SPHK2: variants seen among roughly 807,000 people sequenced by gnomAD.
The protein encoded by SPHK2 is sphingosine kinase 2.
In SPHK2, 18 loss-of-function variants were observed where a neutral mutation model predicts 32.3. The ratio of observed to expected loss-of-function variants is 0.56; its 90% CI spans 0.39 to 0.83. The LOEUF is 0.83. Among genes scored for constraint, SPHK2 ranks in the 40% least tolerant of loss-of-function variants. The probability of loss-of-function intolerance (pLI) is 0.00; values close to 1 mark genes in which losing one functional copy is unlikely to be tolerated. For synonymous variants in SPHK2, 462 were observed against 417.6 expected (o/e 1.11, Z -1.30); for missense variants, 850 against 908.7 (o/e 0.94, Z 0.83).
chr19:48,629,652 C>A lies in SPHK2; in HGVS notation c.1844C>A (p.Pro615Gln). The change falls in exon 7 of 7, where the codon CCA becomes CAA. Residue 615 changes from proline (P) to glutamine (Q), a missense_variant. By Grantham distance (76) the Pro-to-Gln change is moderately conservative. Coordinates refer to ENST00000245222, the MANE Select transcript of SPHK2 (RefSeq NM_020126.5). Reference protein sequence around the residue: ...ARAFRLEPLTPRGVLTVDGEQ... With the variant: ...ARAFRLEPLTQRGVLTVDGEQ... ...GCCTTCCGCCTAGAGCCGCTCACAC[C>A]ACGCGGCGTGCTCACAGTGGACGGG... 6.2e-7 allele frequency: 1 copy of A among 1,603,970 alleles called. No homozygotes were observed. Among genetic ancestry groups the A allele is most frequent in the Non-Finnish European group, 8.5e-7 (1 of 1,176,164 alleles).
In SPHK2 at chr19:48,629,033, C is replaced by T. The variant is rs755109999; in HGVS notation, c.1225C>T (p.Pro409Ser). 4.8e-5 allele frequency: 77 copies of T among 1,613,294 alleles called. No homozygotes were observed. In the South Asian group the frequency reaches 7.8e-4, roughly 16 times the overall value. The change falls in exon 7 of 7, where the codon CCG (proline) becomes TCG (serine). Residue 409 changes from proline (P) to serine (S), a missense_variant. Transcript: ENST00000245222. ...GCTGACCCTAACCCCAGACCCAGCC[C>T]CGCCCATGGCCCACTCACCCCTGCA... ...SELTLTPDPA[P>S]PMAHSPLHRS...
chr19:48,622,323 G>T (rs1017056876), intron 2 of SPHK2, among the ~76,000 whole-genome samples: 2 of 151,878 alleles, frequency 1.3e-5, no homozygotes, highest in African/African-American at 4.8e-5. Flanking sequence ...GGGGAATTGG[G>T]TTTTTTACAT....
intron 2 of SPHK2, among the ~76,000 whole-genome samples, chr19:48,621,198 A>G (rs964495412): frequency 6.6e-6 from 1 of 151,624 alleles, no homozygotes; most frequent in African/African-American, 2.4e-5. Flanking sequence ...TCCTGCCTCA[A>G]CCTCCCAAGT....
intron 2 of SPHK2, chr19:48,624,835 G>A (rs777946669): frequency 6.9e-5 from 63 of 908,600 alleles, no homozygotes; most frequent in Non-Finnish European, 8.2e-5. Flanking sequence ...GGGGATAGGG[G>A]GGCAGATGTA....
Position 48,629,804 on chromosome 19 carries a change from G to A in SPHK2, c.*31G>A. 6.5e-7 allele frequency: 1 copy of A among 1,529,656 alleles called. No individual in the cohort carries two copies. Among genetic ancestry groups the A allele is most frequent in the South Asian group, 1.3e-5 (1 of 79,792 alleles). 94.8% of individuals were successfully genotyped at this position (1,529,656 alleles called of 1,614,324 possible). ...AACAAGCTTGGTACCCGCCGGGGGC[G>A]GGGCCTACATTCCAATGGGGCGGAG... is the stretch of plus-strand genomic sequence containing the variant. On this transcript the variant is annotated 3_prime_UTR_variant, in exon 7 of 7. Coordinates refer to ENST00000245222, the MANE Select transcript of SPHK2 (RefSeq NM_020126.5).
chr19:48,625,908 G>A lies in SPHK2; in HGVS notation c.57G>A (p.Leu19=). The A allele has an allele frequency of 1.2e-6, 2 of 1,612,012 alleles. No homozygotes were observed. The highest frequency in any genetic ancestry group is 1.7e-6 in the Non-Finnish European group (2 of 1,179,594). The change falls in exon 3 of 7, where the codon CTG becomes CTA. Residue 19 remains leucine, a synonymous_variant. Coordinates refer to ENST00000245222, the MANE Select transcript of SPHK2 (RefSeq NM_020126.5). ...TCCCACAGAGGCCAGACCAGGAGCT[G>A]ACCGGGAGCTGGGGCCACGGGCCTA... is the stretch of plus-strand genomic sequence containing the variant. ...EQQDQRPDQE[L]TGSWGHGPRS... is the part of the protein sequence containing the mutation.
chr19:48,624,902 G>C, intron 2 of SPHK2: 1 of 986,162 alleles, frequency 1.0e-6, no homozygotes, highest in Non-Finnish European at 1.2e-6. Flanking sequence ...TGGCGCTCTG[G>C]GCCTGGGGAA....
Position 48,620,863 on chromosome 19 carries a change from G to T in SPHK2, c.39+310G>T, listed in dbSNP as rs547742306. On this transcript the variant is annotated intron_variant, in intron 2 of 6. Transcript: ENST00000245222. ...CATTTGAACCCGGGAGGCAGAGGTT[G>T]CAGTGAGCCGAGATCGCGCTGCACT... 8.2e-5 allele frequency: 21 copies of T among 256,906 alleles called. No individual in the cohort carries two copies. The South Asian group carries it at 8.3e-4, about 10-fold the overall frequency. The allele number at this position is 256,906 out of a possible 1,614,324, so 15.9% of individuals were successfully genotyped here.
rs113670769 is a variant in SPHK2 at position 48,629,719 on chromosome 19, T to A, written c.1911T>A (p.Pro637=). 21 of 1,608,944 alleles carry A rather than the reference T, an allele frequency of 1.3e-5. 2 individuals are homozygous for A. In the African/African-American group the frequency reaches 2.3e-4, roughly 17 times the overall value. Residue 637 remains proline (P), a synonymous_variant, in exon 7 of 7, where the codon CCT becomes CCA. Transcript: ENST00000245222. The part of the protein sequence containing the change: ...EYGPLQAQMH[P]GIGTLLTGPP... ...GGCCGCTACAGGCACAGATGCACCCTGGCATCGGTACACTGCTCACTGGGC... is the reference window on the plus strand; with the variant it reads ...GGCCGCTACAGGCACAGATGCACCCAGGCATCGGTACACTGCTCACTGGGC...
intron 1 of SPHK2, among the ~76,000 whole-genome samples, chr19:48,620,124 AG>A (rs56307061): frequency 1 from 152,283 of 152,284 alleles, 76,141 homozygotes; most frequent in Non-Finnish European, 1. Flanking sequence ...CCTGGCACAC[AG>A]GGGTGTTTTT....
chr19:48,620,825 G>A (rs993125404), intron 2 of SPHK2: 1 of 311,870 alleles, frequency 3.2e-6, no homozygotes, highest in African/African-American at 2.2e-5. Flanking sequence ...TCGGGAGACT[G>A]AGGCAGGAGA....
In SPHK2 at chr19:48,629,582, C is replaced by T. The variant is rs1223173180; in HGVS notation, c.1774C>T (p.His592Tyr). The change falls in exon 7 of 7, where the codon CAC becomes TAC. Residue 592 changes from histidine to tyrosine, a missense_variant. Around this residue, in one of 2 missense-constraint regions of SPHK2, gnomAD observed 306 missense variants for 268.6 expected, o/e 1.14. Coordinates refer to ENST00000245222, the MANE Select transcript of SPHK2 (RefSeq NM_020126.5). ...TTTCTTGGCCATGGAGCGTGGTAGC[C>T]ACTTCAGCCTGGGCTGTCCGCAGCT... ...RLFLAMERGS[H>Y]FSLGCPQLGY... The T allele has an allele frequency of 1.3e-6, 2 of 1,599,616 alleles. No homozygotes were observed. The highest frequency in any genetic ancestry group is 1.7e-6 in the Non-Finnish European group (2 of 1,173,486).
Position 48,628,782 on chromosome 19 carries a change from C to T in SPHK2, c.974C>T (p.Ser325Leu), listed in dbSNP as rs772355097. The T allele has an allele frequency of 5.0e-6, 8 of 1,613,488 alleles. No homozygotes were observed. The highest frequency in any genetic ancestry group is 1.7e-5 in the Admixed American group (1 of 60,036). The part of the protein sequence containing the change: ...PLDLLSVTLA[S>L]GSRCFSFLSV... ...GACCTGCTCTCCGTGACGCTGGCCT[C>T]GGGCTCCCGCTGTTTCTCCTTCCTG... is the stretch of plus-strand genomic sequence containing the variant. Residue 325 changes from serine (S) to leucine (L), a missense_variant, in exon 7 of 7, where the codon TCG (serine) becomes TTG (leucine). By Grantham distance (145) the Ser-to-Leu change is moderately radical. Around this residue, in one of 2 missense-constraint regions of SPHK2, gnomAD observed 544 missense variants for 640.0 expected, o/e 0.85. Coordinates refer to ENST00000245222, the MANE Select transcript of SPHK2 (RefSeq NM_020126.5). The surrounding 1 kb of genome is among the most constrained non-coding windows in gnomAD (Gnocchi z 5.2).
At chr19:48,621,123 A>C (rs1266887063) in intron 2 of SPHK2, among the ~76,000 whole-genome samples, 2 of 151,960 alleles carry the variant, frequency 1.3e-5, no homozygotes, top group Non-Finnish European at 2.9e-5. Context: ...CTTGTTGCCC[A>C]GGCTGGAGTG....
chr19:48,627,611 G>T (rs1026268883), intron 3 of SPHK2, 81 bp from the exon 4 acceptor site: 20 of 1,485,736 alleles, frequency 1.3e-5, no homozygotes, highest in Middle Eastern at 5.1e-4. Context: ...CACCAATTCC[G>T]TTGGGGGCTG....
At chr19:48,625,813 C>CACTGCCTCCTCAT (rs1568430933) in intron 2 of SPHK2, 78 bp from the exon 3 acceptor site, 1 of 1,550,220 alleles carries the variant, frequency 6.5e-7, no homozygotes. Flanking sequence ...TTGTCTCCTC[C>CACTGCCTCCTCAT]TGTCCACAGC....
chr19:48,629,151 GT>G lies in SPHK2; in HGVS notation c.1344del (p.Gly450AlafsTer43). 1 of 1,613,404 alleles carries G rather than the reference GT, an allele frequency of 6.2e-7. No homozygotes were observed. Among genetic ancestry groups the G allele is most frequent in the Non-Finnish European group, 8.5e-7 (1 of 1,179,908 alleles). On this transcript the variant is annotated frameshift_variant, in exon 7 of 7. Transcript: ENST00000245222. LOFTEE classifies it low-confidence loss of function (END_TRUNC). ...PEPLPILSLN[G>X]GGPELAGDWG... ...CCCCTGCCCATCCTGTCCCTCAACG[GT>G]GGGGGCCCAGAGCTGGCTGGGGACT...
rs1335167272 is a variant in SPHK2, at chr19:48,629,273, G to C, written c.1465G>C (p.Gly489Arg). 1.2e-6 allele frequency: 2 copies of C among 1,613,630 alleles called. No individual in the cohort carries two copies. The highest frequency in any genetic ancestry group is 3.3e-5 in the Admixed American group (2 of 60,024). Residue 489 changes from glycine (G) to arginine (R), a missense_variant, in exon 7 of 7, where the codon GGG (glycine) becomes CGG (arginine). Gly to Arg is a moderately radical substitution (Grantham distance 125, BLOSUM62 -2). This residue lies in a region of SPHK2 where 306 missense variants were observed against 268.6 expected (regional missense o/e 1.14). Transcript: ENST00000245222. Reference sequence around the variant, plus strand: ...AGCTCTACACTCACCCGTCTCCGAAGGGGCCCCCGTAATTCCCCCATCCTC... The same window carrying C: ...AGCTCTACACTCACCCGTCTCCGAACGGGCCCCCGTAATTCCCCCATCCTC... ...KAALHSPVSE[G>R]APVIPPSSGL...
At chr19:48,627,090 C>T (rs1275279351) in intron 3 of SPHK2, among the ~76,000 whole-genome samples, 1 of 152,148 alleles carries the variant, frequency 6.6e-6, no homozygotes. Context: ...GCCGAGATTG[C>T]ACCATTGCAC....
Sources: gnomAD v4.1 joint callset for allele counts (sites outside exome capture counted in the v4.1 genomes callset) on GRCh38, gnomAD v4.1.1 for gene constraint, gnomAD v4.1.1 regional missense constraint, Gnocchi (gnomAD v3.1) non-coding constraint, MANE v1.5 for transcripts, NCBI Gene and HGNC (gene_info 2026-07-23, HGNC 2026-07-21) for gene names.